The following ENPP3 variants were observed in gnomAD, a reference collection of about 807,000 sequenced individuals.
ENPP3 encodes ectonucleotide pyrophosphatase/phosphodiesterase family member 3.
In ENPP3, 104 loss-of-function variants were observed where a neutral mutation model predicts 117.8. The observed-to-expected ratio is 0.88, with a 90% CI of 0.75 to 1.04. ENPP3 has a LOEUF of 1.04. Among genes scored for constraint, ENPP3 ranks in the 50% least tolerant of loss-of-function variants. ENPP3 has a pLI of 0.00. For synonymous variants in ENPP3, 380 were observed against 349.9 expected (o/e 1.09, Z -0.96); for missense variants, 1,026 against 1,051.9 (o/e 0.98, Z 0.34).
At chr6:131,642,087 G>A (rs367932955) in intron 2 of ENPP3, among the ~76,000 whole-genome samples, 3 of 152,086 alleles carry the variant, frequency 2.0e-5, no homozygotes, top group East Asian at 1.9e-4. Flanking sequence ...GAGTTGCCGC[G>A]CCTGGCCCTT....
chr6:131,666,283 A>T (rs1778615134), intron 6 of ENPP3, among the ~76,000 whole-genome samples: 1 of 151,790 alleles, frequency 6.6e-6, no homozygotes, highest in Non-Finnish European at 1.5e-5. Flanking sequence ...CTGCTTTGAA[A>T]ATTCATTGTC....
chr6:131,680,422 T>G (rs931534746), intron 11 of ENPP3, among the ~76,000 whole-genome samples: 1 of 152,060 alleles, frequency 6.6e-6, no homozygotes, highest in South Asian at 2.1e-4. Flanking sequence ...GATGTCCAAA[T>G]GAGGATGTCC....
intron 15 of ENPP3, among the ~76,000 whole-genome samples, chr6:131,697,051 G>A (rs886521025): frequency 2.0e-5 from 3 of 152,194 alleles, no homozygotes; most frequent in African/African-American, 7.2e-5. Flanking sequence ...ACAGGCGTGA[G>A]CCACCGTGCC....
At chr6:131,657,420 C>G (rs954835401) in intron 5 of ENPP3, among the ~76,000 whole-genome samples, 1 of 152,122 alleles carries the variant, frequency 6.6e-6, no homozygotes, top group East Asian at 1.9e-4. Context: ...TGGAGTTAAA[C>G]CACAGGCTGT....
At chr6:131,695,261 C>A (rs1779379782) in intron 15 of ENPP3, among the ~76,000 whole-genome samples, 1 of 152,134 alleles carries the variant, frequency 6.6e-6, no homozygotes, top group South Asian at 2.1e-4. Flanking sequence ...TGTTAAAAGT[C>A]TAACACCAAA....
intron 20 of ENPP3, among the ~76,000 whole-genome samples, chr6:131,732,094 T>A (rs1269556684): frequency 6.6e-6 from 1 of 152,338 alleles, no homozygotes; most frequent in East Asian, 1.9e-4. Context: ...TCAGACAACA[T>A]AGCTAATTTT....
At chr6:131,664,139 G>A (rs908023441) in intron 6 of ENPP3, among the ~76,000 whole-genome samples, 2 of 152,102 alleles carry the variant, frequency 1.3e-5, no homozygotes, top group Admixed American at 1.3e-4. Flanking sequence ...TTCAGAAGAA[G>A]GTACTGTTAT....
intron 16 of ENPP3, 63 bp downstream of exon 16, chr6:131,718,801 C>G: frequency 2.1e-6 from 2 of 968,648 alleles, no homozygotes; most frequent in Middle Eastern, 3.1e-4. Flanking sequence ...ACAGAATGTG[C>G]AGGTTTGTTA....
At chr6:131,723,894 C>T in intron 18 of ENPP3, 146 bp from the exon 19 acceptor site, 1 of 622,360 alleles carries the variant, frequency 1.6e-6, no homozygotes, top group Admixed American at 2.9e-5. Flanking sequence ...TGAATAGTGG[C>T]AGAATCAGAA....
intron 15 of ENPP3, chr6:131,700,784 C>T: frequency 6.7e-7 from 1 of 1,482,016 alleles, no homozygotes; most frequent in Non-Finnish European, 9.0e-7. Flanking sequence ...AGGGTCCCAC[C>T]AGCCCAGAAA....
At chr6:131,739,271 T>C (rs980704870) in intron 23 of ENPP3, among the ~76,000 whole-genome samples, 1 of 152,200 alleles carries the variant, frequency 6.6e-6, no homozygotes, top group Non-Finnish European at 1.5e-5. Context: ...AGTCAGACTT[T>C]GCACTTAAAA....
intron 6 of ENPP3, among the ~76,000 whole-genome samples, chr6:131,668,698 C>G (rs889524521): frequency 4.6e-5 from 7 of 152,048 alleles, no homozygotes; most frequent in African/African-American, 1.4e-4. Context: ...GTAAAATACA[C>G]ACGTAAACAT....
intron 7 of ENPP3, among the ~76,000 whole-genome samples, chr6:131,672,145 C>G (rs1377497596): frequency 6.6e-6 from 1 of 152,180 alleles, no homozygotes; most frequent in Admixed American, 6.5e-5. Context: ...TTGCAGCCAT[C>G]ACAAAGAAGC....
intron 8 of ENPP3, 148 bp downstream of exon 8, chr6:131,674,429 T>C (rs1056647814): frequency 1.4e-6 from 1 of 739,526 alleles, no homozygotes; most frequent in African/African-American, 1.7e-5. Flanking sequence ...CCACTATTTG[T>C]AACTTGAATT....
At chr6:131,736,963 T>G (rs1316733100) in intron 21 of ENPP3, among the ~76,000 whole-genome samples, 5 of 152,158 alleles carry the variant, frequency 3.3e-5, no homozygotes, top group African/African-American at 1.2e-4. Context: ...TGCCTCCATC[T>G]TCACAAGACC....
At chr6:131,676,319 G>T (rs1778867855) in intron 9 of ENPP3, among the ~76,000 whole-genome samples, 1 of 150,914 alleles carries the variant, frequency 6.6e-6, no homozygotes, top group Non-Finnish European at 1.5e-5. Flanking sequence ...TTTATATTAG[G>T]TCTATTGTTT....
Position 131,676,088 on chromosome 6 carries a change from C to T in ENPP3, c.873-648C>T, listed in dbSNP as rs142925648. ...CTTCTGCTGCAGGACATTGCACTGG[C>T]TGTTCACCCTCCCTGAGATGATTTG... On this transcript the variant is annotated intron_variant, in intron 9 of 24. Coordinates refer to ENST00000357639, the MANE Select transcript of ENPP3 (RefSeq NM_005021.5). Among the ~76,000 whole-genome samples, 171 of 152,214 alleles carry T rather than the reference C, an allele frequency of 1.1e-3. 1 individual carries two copies. The highest frequency in any genetic ancestry group is 3.4e-3 in the Middle Eastern group (1 of 294).
intron 12 of ENPP3, among the ~76,000 whole-genome samples, chr6:131,683,952 C>T (rs1262638607): frequency 2.0e-5 from 3 of 151,996 alleles, no homozygotes; most frequent in African/African-American, 4.8e-5. Context: ...GGGGTTTCAC[C>T]GTGTTAGCCC....
chr6:131,654,338 A>G (rs1371726208), intron 5 of ENPP3, among the ~76,000 whole-genome samples: 1 of 151,590 alleles, frequency 6.6e-6, no homozygotes, highest in African/African-American at 2.4e-5. Context: ...ACAGGGGCTC[A>G]CTATGTTGCC....
Sources: allele counts gnomAD v4.1 joint callset (sites outside exome capture counted in the v4.1 genomes callset), GRCh38; gene constraint gnomAD v4.1.1; transcripts MANE v1.5; gene names NCBI Gene and HGNC (gene_info 2026-07-23, HGNC 2026-07-21).